The following TBC1D8 variants were observed in gnomAD, a reference collection of about 807,000 sequenced individuals.
The protein encoded by TBC1D8 is BUB2-like protein 1.
A neutral mutation model predicts 118.8 loss-of-function variants in TBC1D8; 65 were observed. That is an observed-to-expected ratio of 0.55 (90% CI 0.45 to 0.67). The LOEUF (loss-of-function observed/expected upper bound fraction) is 0.67. Among genes scored for constraint, TBC1D8 ranks in the 30% least tolerant of loss-of-function variants. TBC1D8 has a pLI of 0.00. For missense variants in TBC1D8, 1,376 were observed against 1,471.2 expected (o/e 0.94, Z 1.06); for synonymous variants, 566 against 595.8 (o/e 0.95, Z 0.73).
chr2:101,007,975 G>A lies in TBC1D8; in HGVS notation c.3314C>T (p.Ala1105Val). 6.2e-7 allele frequency: 1 copy of A among 1,614,018 alleles called. No individual in the cohort carries two copies. The highest frequency in any genetic ancestry group is 8.5e-7 in the Non-Finnish European group (1 of 1,179,890). ...TAATGACTGTTCAGTCAGAAGTGAA[G>A]CTAAAATATGTTCAAGGGAGACAGT... ...DWTVSLEHILASLLTEQSLVN... is the reference protein window; with the variant it reads ...DWTVSLEHILVSLLTEQSLVN... The change falls in exon 20 of 20, where the codon GCT becomes GTT. Residue 1105 changes from alanine (A) to valine (V), a missense_variant. By Grantham distance (64) the Ala-to-Val change is moderately conservative. Transcript: ENST00000409318.
chr2:101,095,334 T>C (rs7597626), intron 1 of TBC1D8, among the ~76,000 whole-genome samples: 3,421 of 150,532 alleles, frequency 0.023, 133 homozygotes, highest in African/African-American at 0.078. Context: ...ATGTGCCATG[T>C]TGGTGTGCTG....
chr2:101,009,821 C>CATTTTTTTTTTTTTTTTTT lies in TBC1D8; in HGVS notation c.3015+1107_3015+1108insAAAAAAAAAAAAAAAAAAT, dbSNP rs144990163. ...TGACTTAAGTCCTATAAAAAAGGAG[C>CATTTTTTTTTTTTTTTTTT]TTTTTCTTTTTTTTTTTTGAGATGG... On this transcript the variant is annotated intron_variant, in intron 19 of 19. Transcript: ENST00000409318. Among the ~76,000 whole-genome samples the CATTTTTTTTTTTTTTTTTT allele has an allele frequency of 1.5e-5, 2 of 134,192 alleles. 1 individual carries two copies. The highest frequency in any genetic ancestry group is 3.3e-5 in the Non-Finnish European group (2 of 60,872). 88.0% of individuals were successfully genotyped at this position (134,192 alleles called of 152,430 possible). A position where few individuals can be genotyped will look rare whatever the true frequency, so the allele number is the denominator to read the frequency against.
At chr2:101,011,100 A>T (rs1199408591) in intron 18 of TBC1D8, 74 bp from the exon 19 acceptor site, 5 of 1,419,474 alleles carry the variant, frequency 3.5e-6, no homozygotes, top group Non-Finnish European at 2.9e-6. Flanking sequence ...ACTATGTAGG[A>T]GAGAGGAGCA....
intron 2 of TBC1D8, among the ~76,000 whole-genome samples, chr2:101,081,670 C>T (rs945289785): frequency 6.6e-6 from 1 of 152,204 alleles, no homozygotes; most frequent in Admixed American, 6.5e-5. Flanking sequence ...AGACAGTCCA[C>T]CTCATGCCTC....
chr2:101,041,917 C>G (rs1275863590), intron 5 of TBC1D8, among the ~76,000 whole-genome samples: 1 of 151,678 alleles, frequency 6.6e-6, no homozygotes, highest in Non-Finnish European at 1.5e-5. Flanking sequence ...CCCAGCTACT[C>G]CACCGGCTGA....
chr2:101,110,702 C>T (rs1677531447), intron 1 of TBC1D8, among the ~76,000 whole-genome samples: 1 of 152,064 alleles, frequency 6.6e-6, no homozygotes, highest in African/African-American at 2.4e-5. Context: ...ACAGGCCAGG[C>T]GCGGTGTCTC....
chr2:101,018,310 G>GTGTTAATATAATGTCATGATAA (rs1679806040), intron 17 of TBC1D8: 2 of 157,478 alleles, frequency 1.3e-5, no homozygotes, highest in African/African-American at 4.8e-5. Context: ...AATGTCATGT[G>GTGTTAATATAATGTCATGATAA]CTCTTTCAGT....
In TBC1D8 at chr2:101,090,354, G is replaced by C. The variant is rs76282769; in HGVS notation, c.138C>G (p.Val46=). 6.2e-7 allele frequency: 1 copy of C among 1,613,800 alleles called. No individual in the cohort carries two copies. Among genetic ancestry groups the C allele is most frequent in the East Asian group, 2.2e-5 (1 of 44,878 alleles). The change falls in exon 2 of 20, where the codon GTC becomes GTG. Residue 46 remains valine, a synonymous_variant. Coordinates refer to ENST00000409318, the MANE Select transcript of TBC1D8 (RefSeq NM_001330348.2). The part of the protein sequence containing the change: ...EGGGRLTGRL[V]GALDAVLDSN... ...AATCCAACACTGCATCCAGAGCGCC[G>C]ACCAGGCGACCTTCAAAAGAAAAGA... is the stretch of plus-strand genomic sequence containing the variant.
At chr2:101,149,316 G>A (rs1679449499) in intron 1 of TBC1D8, among the ~76,000 whole-genome samples, 1 of 152,136 alleles carries the variant, frequency 6.6e-6, no homozygotes, top group Admixed American at 6.5e-5. Context: ...AGAGACTCTG[G>A]ACAACAGAGT....
chr2:101,038,936 G>A (rs149676893), intron 6 of TBC1D8, among the ~76,000 whole-genome samples: 1 of 152,342 alleles, frequency 6.6e-6, no homozygotes, highest in African/African-American at 2.4e-5. Context: ...CAGCATGGAT[G>A]AGCCCCGAGG....
At position 101,151,232 on chromosome 2, in the gene TBC1D8, C is replaced by A; in HGVS notation, c.22G>T (p.Val8Leu). Residue 8 changes from valine (V) to leucine (L), a missense_variant, in exon 1 of 20, where the codon GTG becomes TTG. Val to Leu is a conservative substitution (Grantham distance 32). Transcript: ENST00000409318. Reference sequence around the variant, plus strand: ...AGCTTCAGCGCGTTCTTCAGCAGCACCTCCTCGGGCTTGAGCCACATCGCG... The same window carrying A: ...AGCTTCAGCGCGTTCTTCAGCAGCAACTCCTCGGGCTTGAGCCACATCGCG... MWLKPEE[V>L]LLKNALKLWV... 8.1e-7 allele frequency: 1 copy of A among 1,237,096 alleles called. No homozygotes were observed. Among genetic ancestry groups the A allele is most frequent in the Non-Finnish European group, 1.0e-6 (1 of 964,618 alleles). The allele number at this position is 1,237,096 out of a possible 1,614,324, so 76.6% of individuals were successfully genotyped here.
chr2:101,028,242 C>T, intron 13 of TBC1D8, 61 bp downstream of exon 13: 3 of 1,590,544 alleles, frequency 1.9e-6, no homozygotes, highest in Non-Finnish European at 2.6e-6. Flanking sequence ...ATCCATCCCC[C>T]AGTCACAATT....
In TBC1D8 at chr2:101,073,291, A is replaced by G. The variant is rs943673688; in HGVS notation, c.284-13752T>C. Among the ~76,000 whole-genome samples the G allele has an allele frequency of 2.0e-4, 28 of 138,382 alleles. 1 individual carries two copies. Among genetic ancestry groups the G allele is most frequent in the Middle Eastern group, 4.1e-3 (1 of 244 alleles). 90.8% of individuals were successfully genotyped at this position (138,382 alleles called of 152,430 possible). A position where few individuals can be genotyped will look rare whatever the true frequency, so the allele number is the denominator to read the frequency against. On this transcript the variant is annotated intron_variant, in intron 2 of 19. Transcript: ENST00000409318. ...TTTATTTTTTATTTTATTTTATTTT[A>G]TTTTATTTATTTTTTTTTTTGGAGA...
At position 101,011,017 on chromosome 2, in the gene TBC1D8, A is replaced by C; in HGVS notation, c.2927T>G (p.Val976Gly). The C allele has an allele frequency of 6.2e-7, 1 of 1,612,384 alleles. No individual in the cohort carries two copies. Among genetic ancestry groups the C allele is most frequent in the Non-Finnish European group, 8.5e-7 (1 of 1,179,762 alleles). Residue 976 changes from valine (V) to glycine (G), a missense_variant, in exon 19 of 20, where the codon GTT becomes GGT. Val to Gly is a moderately radical substitution (Grantham distance 109). Coordinates refer to ENST00000409318, the MANE Select transcript of TBC1D8 (RefSeq NM_001330348.2). ...CTGCTTCAGCTGTTTCTGATAATCAACTGCATCACCTTGAAACAAAGGAAA... is the reference window on the plus strand; with the variant it reads ...CTGCTTCAGCTGTTTCTGATAATCACCTGCATCACCTTGAAACAAAGGAAA... ...LVFGKPNGDAVDYQKQLKQMI... is the reference protein window; with the variant it reads ...LVFGKPNGDAGDYQKQLKQMI...
intron 1 of TBC1D8, among the ~76,000 whole-genome samples, chr2:101,123,393 A>C (rs901303198): frequency 3.9e-5 from 6 of 152,098 alleles, no homozygotes; most frequent in Non-Finnish European, 8.8e-5. Flanking sequence ...ACATAGTGCA[A>C]ATTAGCACTG....
intron 1 of TBC1D8, among the ~76,000 whole-genome samples, chr2:101,104,229 AG>A (rs1419837443): frequency 4.6e-5 from 5 of 107,686 alleles, no homozygotes; most frequent in Non-Finnish European, 1.0e-4. Context: ...AGATCTAAAT[AG>A]ATAGATATTC....
chr2:101,143,468 C>T (rs1233226846), intron 1 of TBC1D8, among the ~76,000 whole-genome samples: 2 of 152,108 alleles, frequency 1.3e-5, no homozygotes, highest in African/African-American at 2.4e-5. Flanking sequence ...CAAATTCATA[C>T]ACATGTGCTT....
chr2:101,054,675 T>TTTTTTTTTTTTTCTTTTC (rs1682303589), intron 3 of TBC1D8, among the ~76,000 whole-genome samples: 2 of 64,436 alleles, frequency 3.1e-5, no homozygotes, highest in Non-Finnish European at 6.3e-5. Context: ...TTCTTTTCTT[T>TTTTTTTTTTTTTCTTTTC]TTTTTTTTTT....
intron 2 of TBC1D8, among the ~76,000 whole-genome samples, chr2:101,087,514 A>G (rs1675716845): frequency 6.6e-6 from 1 of 151,850 alleles, no homozygotes; most frequent in Non-Finnish European, 1.5e-5. Context: ...GTGGTGGCGC[A>G]TGCTTGCAAT....
Sources: allele counts gnomAD v4.1 joint callset (sites outside exome capture counted in the v4.1 genomes callset), GRCh38; gene constraint gnomAD v4.1.1; transcripts MANE v1.5; gene names NCBI Gene and HGNC (gene_info 2026-07-23, HGNC 2026-07-21).